Variants in GOLGA8M observed in about 807,000 individuals in gnomAD.
The protein encoded by GOLGA8M is golgin A8 family member M.
In GOLGA8M, 34 loss-of-function variants were observed where a neutral mutation model predicts 87.7. The ratio of observed to expected loss-of-function variants is 0.39; its 90% CI spans 0.29 to 0.52. GOLGA8M has a LOEUF of 0.52. Among genes scored for constraint, GOLGA8M ranks in the 20% least tolerant of loss-of-function variants. GOLGA8M has a pLI of 0.80. For synonymous variants in GOLGA8M, 138 were observed against 250.2 expected (o/e 0.55, Z 4.23); for missense variants, 396 against 682.2 (o/e 0.58, Z 4.67).
rs1188398563 is a variant in GOLGA8M at position 28,707,774 on chromosome 15, C to T, written c.565G>A (p.Ala189Thr). 1 of 1,551,742 alleles carries T rather than the reference C, an allele frequency of 6.4e-7. No individual in the cohort carries two copies. Among genetic ancestry groups the T allele is most frequent in the Non-Finnish European group, 8.6e-7 (1 of 1,157,478 alleles). The change falls in exon 8 of 19, where the codon GCC becomes ACC. Residue 189 changes from alanine to threonine, a missense_variant. This residue lies in a region of GOLGA8M where 80 missense variants were observed against 119.9 expected (regional missense o/e 0.67). Coordinates refer to ENST00000563027, the MANE Select transcript of GOLGA8M (RefSeq NM_001282468.3). ...ELESVLSDVM[A>T]TQKKKANQLS... is the part of the protein sequence containing the mutation. ...TGGTTTGCCTTCTTCTTCTGTGTGG[C>T]CATGACATCAGAGAGAACACTCTCT... is the stretch of plus-strand genomic sequence containing the variant.
rs773966933 is a variant in GOLGA8M, at chr15:28,702,741, C to A, written c.1373G>T (p.Ser458Ile). 1 of 1,600,318 alleles carries A rather than the reference C, an allele frequency of 6.2e-7. No homozygotes were observed. Among genetic ancestry groups the A allele is most frequent in the Non-Finnish European group, 8.5e-7 (1 of 1,179,706 alleles). The stretch of plus-strand genomic sequence containing the variant: ...CTTCTCCTCCAGGTGGTCCATAAAG[C>A]TGCTCTGGAGCCAAAATATTGCAGT... Reference protein sequence around the residue: ...EDPESREAMSSFMDHLEEKAD... With the variant: ...EDPESREAMSIFMDHLEEKAD... The change falls in exon 16 of 19, where the codon AGC becomes ATC. Residue 458 changes from serine (S) to isoleucine (I), a missense_variant. By Grantham distance (142) the Ser-to-Ile change is moderately radical. This residue lies in a region of GOLGA8M where 173 missense variants were observed against 150.2 expected (regional missense o/e 1.15). Transcript: ENST00000563027.
At position 28,702,260 on chromosome 15, in the gene GOLGA8M, T is replaced by C. The variant is rs753185552; in HGVS notation, c.1677A>G (p.Pro559=). 85 of 1,572,254 alleles carry C rather than the reference T, an allele frequency of 5.4e-5. 2 individuals carry two copies. Among genetic ancestry groups the C allele is most frequent in the Middle Eastern group, 4.5e-4 (2 of 4,444 alleles). ...CAAGCTCCTGGGGAGCTGGGGCTCCTGGACCGGGCTCATCAGCAGAGTTGT... is the reference window on the plus strand; with the variant it reads ...CAAGCTCCTGGGGAGCTGGGGCTCCCGGACCGGGCTCATCAGCAGAGTTGT... ...AAHNSADEPG[P]GAPAPQELGA... Residue 559 remains proline, a synonymous_variant, in exon 18 of 19, where the codon CCA becomes CCG. Transcript: ENST00000563027.
In GOLGA8M at chr15:28,707,736, G is replaced by A. The variant is rs751713858; in HGVS notation, c.591+12C>T. ...CAGACTCCCAGGGGATGGGGCAGGTGGTTGGACTCACCTGGTTTGCCTTCT... is the reference window on the plus strand; with the variant it reads ...CAGACTCCCAGGGGATGGGGCAGGTAGTTGGACTCACCTGGTTTGCCTTCT... On this transcript the variant is annotated intron_variant, in intron 8 of 18. Coordinates refer to ENST00000563027, the MANE Select transcript of GOLGA8M (RefSeq NM_001282468.3). 6.5e-7 allele frequency: 1 copy of A among 1,543,616 alleles called. No individual in the cohort carries two copies. The highest frequency in any genetic ancestry group is 1.2e-5 in the South Asian group (1 of 85,212).
At position 28,708,169 on chromosome 15, in the gene GOLGA8M, T is replaced by C. The variant is rs1462390863; in HGVS notation, c.353A>G (p.Lys118Arg). The C allele has an allele frequency of 6.3e-7, 1 of 1,582,920 alleles. No homozygotes were observed. The highest frequency in any genetic ancestry group is 8.6e-7 in the Non-Finnish European group (1 of 1,166,210). The change falls in exon 6 of 19, where the codon AAG becomes AGG. Residue 118 changes from lysine to arginine, a missense_variant. Transcript: ENST00000563027. ...TTTCTGTTTCTTGTTGTTTGCTTTCTTTTCCTGTAGGAAGAGGAAGACAGA... is the reference window on the plus strand; with the variant it reads ...TTTCTGTTTCTTGTTGTTTGCTTTCCTTTCCTGTAGGAAGAGGAAGACAGA... ...KQVEHQLEEE[K>R]KANNKKQKAK... is the part of the protein sequence containing the mutation.
Position 28,701,151 on chromosome 15 carries a change from C to T in GOLGA8M, c.*803G>A, listed in dbSNP as rs961660394. Among the ~76,000 whole-genome samples, 15 of 151,888 alleles carry T rather than the reference C, an allele frequency of 9.9e-5. No individual in the cohort carries two copies. Among genetic ancestry groups the T allele is most frequent in the African/African-American group, 3.6e-4 (15 of 41,304 alleles). ...CAGAAATAAGCCCTTTTTAGGTCAT[C>T]GAAAAAGAGTACAACTGCTGCAGCT... On this transcript the variant is annotated 3_prime_UTR_variant, in exon 19 of 19. Transcript: ENST00000563027.
intron 13 of GOLGA8M, 173 bp downstream of exon 13, chr15:28,704,986 C>T: frequency 2.0e-6 from 2 of 1,007,608 alleles, no homozygotes; most frequent in Non-Finnish European, 3.0e-6. Context: ...CCCAGGGCTA[C>T]CCACCTTTAA....
rs1379516040 is a variant in GOLGA8M, at chr15:28,703,919, T to G, written c.1201-2A>C. On this transcript the variant is annotated splice_acceptor_variant, in intron 13 of 18. Coordinates refer to ENST00000563027, the MANE Select transcript of GOLGA8M (RefSeq NM_001282468.3). LOFTEE classifies it high-confidence loss of function. ...CTGGCTGGCAGCTTCCAGGTGCTCC[T>G]AAGGGGCCAGGAAAGAGTGAGAAGG... 6.3e-7 allele frequency: 1 copy of G among 1,586,760 alleles called. No homozygotes were observed. The highest frequency in any genetic ancestry group is 8.5e-7 in the Non-Finnish European group (1 of 1,176,324).
upstream of GOLGA8M, among the ~76,000 whole-genome samples, chr15:28,713,062 G>A (rs1482034038): frequency 5.3e-5 from 8 of 151,538 alleles, no homozygotes; most frequent in African/African-American, 1.5e-4. Flanking sequence ...CTTTTGGGCC[G>A]GGTGCAGTGG....
chr15:28,704,944 G>T, intron 13 of GOLGA8M: 2 of 896,652 alleles, frequency 2.2e-6, no homozygotes, highest in Non-Finnish European at 3.5e-6. Flanking sequence ...CATGCCTCTA[G>T]CTAGGATGAT....
intron 15 of GOLGA8M, chr15:28,703,086 C>T (rs1339162777): frequency 1.4e-6 from 1 of 725,232 alleles, no homozygotes; most frequent in African/African-American, 2.6e-5. Flanking sequence ...TGTGAGCATT[C>T]TTCTAGGGGC....
chr15:28,710,300 A>C (rs1205174131), intron 2 of GOLGA8M, among the ~76,000 whole-genome samples, 187 bp downstream of exon 2: 2 of 152,180 alleles, frequency 1.3e-5, no homozygotes, highest in Non-Finnish European at 1.5e-5. Context: ...GATGGTCTCT[A>C]TCTCCTGACG....
At chr15:28,711,774 C>T (rs1036415228) in intron 1 of GOLGA8M, 9 of 983,706 alleles carry the variant, frequency 9.1e-6, no homozygotes, top group Non-Finnish European at 1.1e-5. Flanking sequence ...ATGTCTAAGT[C>T]GCTGCTCCAC....
intron 13 of GOLGA8M, among the ~76,000 whole-genome samples, chr15:28,704,173 A>G (rs1277287686): frequency 1.4e-5 from 2 of 148,032 alleles, no homozygotes; most frequent in Non-Finnish European, 2.9e-5. Context: ...GTGGCCACGG[A>G]CTGCTGCAGG....
chr15:28,708,039 T>G lies in GOLGA8M; in HGVS notation c.397-2A>C. 6.3e-7 allele frequency: 1 copy of G among 1,598,010 alleles called. No homozygotes were observed. On this transcript the variant is annotated splice_acceptor_variant, in intron 6 of 18. Transcript: ENST00000563027. LOFTEE classifies it high-confidence loss of function. ...TATGTTCAATGTCTGGAGTTGAACC[T>G]TTGGGAGAAAAGCCAAGCAAGTGCT...
upstream of GOLGA8M, among the ~76,000 whole-genome samples, chr15:28,712,649 G>A (rs1040488945): frequency 1.3e-5 from 2 of 151,446 alleles, no homozygotes; most frequent in Non-Finnish European, 2.9e-5. Flanking sequence ...GAGAAGAGGG[G>A]CCAGCTTTTG....
At chr15:28,704,758 T>G (rs1275527260) in intron 13 of GOLGA8M, among the ~76,000 whole-genome samples, 1 of 145,030 alleles carries the variant, frequency 6.9e-6, no homozygotes, top group Non-Finnish European at 1.5e-5. Context: ...TTTTTTTTTT[T>G]GTAATTTTAG....
rs973669472 is a variant in GOLGA8M at position 28,699,105 on chromosome 15, A to G, written c.*2849T>C. On this transcript the variant is annotated 3_prime_UTR_variant, in exon 19 of 19. Coordinates refer to ENST00000563027, the MANE Select transcript of GOLGA8M (RefSeq NM_001282468.3). ...AACTCTTTAAAGTTTTAGAGAAACT[A>G]TATTATGGATAGGGCTGATTTACAT... Among the ~76,000 whole-genome samples, 4 of 150,492 alleles carry G rather than the reference A, an allele frequency of 2.7e-5. No homozygotes were observed. The highest frequency in any genetic ancestry group is 9.8e-5 in the African/African-American group (4 of 40,828).
chr15:28,705,285 G>C, intron 12 of GOLGA8M, 58 bp from the exon 13 acceptor site: 1 of 1,539,580 alleles, frequency 6.5e-7, no homozygotes, highest in Non-Finnish European at 8.8e-7. Flanking sequence ...CCAGAACTTG[G>C]TGTCTGCCTC....
At chr15:28,702,810 A>G (rs986367019) in intron 15 of GOLGA8M, 65 bp from the exon 16 acceptor site, 4 of 1,580,594 alleles carry the variant, frequency 2.5e-6, no homozygotes, top group Non-Finnish European at 3.4e-6. Flanking sequence ...TTTTCAAGTC[A>G]TGGAGAAGGT....
Sources: gnomAD v4.1 joint callset for allele counts (sites outside exome capture counted in the v4.1 genomes callset) on GRCh38, gnomAD v4.1.1 for gene constraint, gnomAD v4.1.1 regional missense constraint, MANE v1.5 for transcripts, NCBI Gene and HGNC (gene_info 2026-07-23, HGNC 2026-07-21) for gene names.